Variants in ENAH observed in about 807,000 individuals in gnomAD.
ENAH encodes the protein protein enabled homolog.
Under a neutral mutation model 78.7 loss-of-function variants are expected in ENAH, and 23 were observed. That is an observed-to-expected ratio of 0.29 (90% CI 0.21 to 0.41). ENAH has a LOEUF of 0.41. Among genes scored for constraint, ENAH ranks in the 10% least tolerant of loss-of-function variants. The pLI, the probability that ENAH is intolerant of heterozygous loss-of-function variation, is 1.00. For synonymous variants in ENAH, 226 were observed against 241.0 expected (o/e 0.94, Z 0.58); for missense variants, 544 against 691.0 (o/e 0.79, Z 2.39).
At chr1:225,583,141 T>G (rs2096827605) in intron 1 of ENAH, among the ~76,000 whole-genome samples, 1 of 151,992 alleles carries the variant, frequency 6.6e-6, no homozygotes, top group Admixed American at 6.6e-5. Context: ...ATAAAGATAT[T>G]TTAAGAAAAA....
rs2096222259 is a variant in ENAH, at chr1:225,491,517, T to G, written c.*6258A>C. 1 of 150,694 alleles carries G rather than the reference T, an allele frequency of 6.6e-6. No individual in the cohort carries two copies. Among genetic ancestry groups the G allele is most frequent in the South Asian group, 2.1e-4 (1 of 4,742 alleles). The allele number at this position is 150,694 out of a possible 1,614,324, so 9.3% of individuals were successfully genotyped here. ...AAGAAAAAGAAAAAAAGAAAAGAGG[T>G]TTCACAGATGTGACTAAAGCATGGA... is the stretch of plus-strand genomic sequence containing the variant. On this transcript the variant is annotated 3_prime_UTR_variant, in exon 14 of 14. Transcript: ENST00000366843.
At chr1:225,615,303 C>T (rs1206187846) in intron 1 of ENAH, among the ~76,000 whole-genome samples, 1 of 152,242 alleles carries the variant, frequency 6.6e-6, no homozygotes, top group Non-Finnish European at 1.5e-5. Flanking sequence ...CCTCGGCCTC[C>T]CGAGGTGCCG....
chr1:225,548,583 C>G (rs1248337674), intron 3 of ENAH, among the ~76,000 whole-genome samples: 1 of 152,178 alleles, frequency 6.6e-6, no homozygotes, highest in Non-Finnish European at 1.5e-5. Flanking sequence ...AATAAATGGC[C>G]TGAAGGCTCG....
In ENAH at chr1:225,493,500, TAA is replaced by T. The variant is rs1468408972; in HGVS notation, c.*4273_*4274del. ...GCTTTTAGTGAAAAGGCAGAGGTAT[TAA>T]ACATCAGTAATTTCAATATACTAGG... On this transcript the variant is annotated 3_prime_UTR_variant, in exon 14 of 14. Coordinates refer to ENST00000366843, the MANE Select transcript of ENAH (RefSeq NM_018212.6). 2.0e-5 allele frequency: 3 copies of T among 152,230 alleles called. No individual in the cohort carries two copies. Among genetic ancestry groups the T allele is most frequent in the Non-Finnish European group, 4.4e-5 (3 of 68,034 alleles). 9.4% of individuals were successfully genotyped at this position (152,230 alleles called of 1,614,324 possible). A position where few individuals can be genotyped will look rare whatever the true frequency, so the allele number is the denominator to read the frequency against.
At chr1:225,564,100 T>C (rs1225372668) in intron 2 of ENAH, among the ~76,000 whole-genome samples, 3 of 152,124 alleles carry the variant, frequency 2.0e-5, no homozygotes, top group Non-Finnish European at 4.4e-5. Context: ...CTTTTTTTTG[T>C]TTGATTCTGC....
At chr1:225,539,180 A>G (rs914834930) in intron 3 of ENAH, among the ~76,000 whole-genome samples, 1 of 152,092 alleles carries the variant, frequency 6.6e-6, no homozygotes, top group African/African-American at 2.4e-5. Context: ...ACCAATTTTC[A>G]AGTCCTGTTA....
chr1:225,530,368 C>T (rs1457451069), intron 4 of ENAH, among the ~76,000 whole-genome samples, 186 bp downstream of exon 4: 1 of 152,064 alleles, frequency 6.6e-6, no homozygotes, highest in African/African-American at 2.4e-5. Flanking sequence ...AATTTTATAA[C>T]ATCTCATGTC....
intron 3 of ENAH, among the ~76,000 whole-genome samples, chr1:225,546,823 T>A (rs1312380770): frequency 6.6e-6 from 1 of 152,184 alleles, no homozygotes; most frequent in Non-Finnish European, 1.5e-5. Flanking sequence ...ATTAATGAAG[T>A]TTCTTTTGCC....
At chr1:225,608,815 C>CAAAAAAAAAAAAAAAAA (rs928281132) in intron 1 of ENAH, among the ~76,000 whole-genome samples, 2 of 20,668 alleles carry the variant, frequency 9.7e-5, no homozygotes, top group African/African-American at 3.3e-4. Context: ...GACTCTGTCT[C>CAAAAAAAAAAAAAAAAA]AAAAAAAAAA....
intron 1 of ENAH, among the ~76,000 whole-genome samples, chr1:225,635,984 A>G (rs1261321996): frequency 6.6e-6 from 1 of 152,238 alleles, no homozygotes; most frequent in African/African-American, 2.4e-5. Context: ...TGCAACATCA[A>G]TTCTTGCCTG....
At chr1:225,552,277 C>T (rs915682057) in intron 3 of ENAH, among the ~76,000 whole-genome samples, 2 of 151,858 alleles carry the variant, frequency 1.3e-5, no homozygotes, top group African/African-American at 2.4e-5. Flanking sequence ...GCTGGGACTA[C>T]AGGCGCCCGC....
chr1:225,511,116 T>C (rs2096373778), intron 10 of ENAH, among the ~76,000 whole-genome samples: 1 of 152,220 alleles, frequency 6.6e-6, no homozygotes, highest in African/African-American at 2.4e-5. Context: ...TTCTCTATAA[T>C]GGTTTCTTAT....
At position 225,490,507 on chromosome 1, in the gene ENAH, GA is replaced by G. The variant is rs1318618931; in HGVS notation, c.*7267del. 6.6e-6 allele frequency: 1 copy of G among 152,088 alleles called. No individual in the cohort carries two copies. The highest frequency in any genetic ancestry group is 1.5e-5 in the Non-Finnish European group (1 of 68,022). The allele number at this position is 152,088 out of a possible 1,614,324, so 9.4% of individuals were successfully genotyped here. On this transcript the variant is annotated 3_prime_UTR_variant, in exon 14 of 14. Coordinates refer to ENST00000366843, the MANE Select transcript of ENAH (RefSeq NM_018212.6). ...AAAATCCCTTTGAACCCAGGGGGGGGAAGTTGCAGTGAGCCGAGATCGCACC... is the reference window on the plus strand; with the variant it reads ...AAAATCCCTTTGAACCCAGGGGGGGGAGTTGCAGTGAGCCGAGATCGCACC...
intron 9 of ENAH, 110 bp from the exon 10 acceptor site, chr1:225,511,969 C>A (rs2096380496): frequency 1.6e-6 from 1 of 626,864 alleles, no homozygotes; most frequent in Admixed American, 3.1e-5. Context: ...TCCCCACTTT[C>A]TCTTTCATCG....
chr1:225,527,133 T>G lies in ENAH; in HGVS notation c.434+3421A>C, dbSNP rs114818507. ...ACTTTCACCTAATCCCTCTTTTCAT[T>G]TGGCACCTCACCCACATCCTCACAG... On this transcript the variant is annotated intron_variant, in intron 4 of 13. Transcript: ENST00000366843. Among the ~76,000 whole-genome samples the G allele has an allele frequency of 5.1e-3, 771 of 152,294 alleles. 8 individuals are homozygous for G. Among genetic ancestry groups the G allele is most frequent in the African/African-American group, 0.018 (730 of 41,544 alleles).
intron 1 of ENAH, among the ~76,000 whole-genome samples, chr1:225,630,941 T>G (rs926613611): frequency 6.6e-6 from 1 of 152,104 alleles, no homozygotes; most frequent in Non-Finnish European, 1.5e-5. Context: ...TGGAAACAGA[T>G]CTATAAACCC....
intron 1 of ENAH, among the ~76,000 whole-genome samples, chr1:225,581,011 G>A (rs1245446099): frequency 7.7e-6 from 1 of 129,234 alleles, no homozygotes; most frequent in Non-Finnish European, 1.7e-5. Context: ...TCTTCGTCTG[G>A]CCACCCATCT....
chr1:225,538,229 T>C (rs1346446507), intron 3 of ENAH, among the ~76,000 whole-genome samples: 1 of 152,096 alleles, frequency 6.6e-6, no homozygotes, highest in Non-Finnish European at 1.5e-5. Context: ...CGCAATACAT[T>C]TTTGAGACAG....
intron 1 of ENAH, among the ~76,000 whole-genome samples, chr1:225,604,767 T>C (rs540114708): frequency 1.4e-4 from 22 of 152,216 alleles, no homozygotes; most frequent in African/African-American, 5.1e-4. Context: ...CACTCCAGCC[T>C]GGGCAACACA....
Sources: allele counts gnomAD v4.1 joint callset (sites outside exome capture counted in the v4.1 genomes callset), GRCh38; gene constraint gnomAD v4.1.1; transcripts MANE v1.5; gene names NCBI Gene and HGNC (gene_info 2026-07-23, HGNC 2026-07-21).